Variants in PDZD2 observed in about 807,000 individuals in gnomAD.
The protein encoded by PDZD2 is PDZ domain containing 2.
Under a neutral mutation model 220.7 loss-of-function variants are expected in PDZD2, and 90 were observed. The ratio of observed to expected loss-of-function variants is 0.41; its 90% CI spans 0.34 to 0.49. PDZD2 has a LOEUF of 0.49. PDZD2 is among the 20% of genes least tolerant of loss of function. The probability of loss-of-function intolerance (pLI) is 0.28; values close to 1 mark genes in which losing one functional copy is unlikely to be tolerated. For missense variants in PDZD2, 3,174 were observed against 3,608.5 expected, an observed-to-expected ratio of 0.88 and a Z score of 3.08; for synonymous variants, 1,375 against 1,450.5, an observed-to-expected ratio of 0.95 and a Z score of 1.18.
intron 2 of PDZD2, among the ~76,000 whole-genome samples, chr5:31,976,198 A>G (rs1749752961): frequency 6.6e-6 from 1 of 152,092 alleles, no homozygotes; most frequent in Admixed American, 6.6e-5. Context: ...GAGCTGTCCA[A>G]ACTTGCCCCC....
chr5:32,039,170 A>G (rs1032106756), intron 7 of PDZD2, among the ~76,000 whole-genome samples: 20 of 149,370 alleles, frequency 1.3e-4, no homozygotes, highest in Non-Finnish European at 2.4e-4. Flanking sequence ...TACTGCCATG[A>G]TCTCGGCTCG....
intron 1 of PDZD2, among the ~76,000 whole-genome samples, chr5:31,753,047 G>A (rs1301629314): frequency 6.6e-6 from 1 of 152,140 alleles, no homozygotes; most frequent in African/African-American, 2.4e-5. Context: ...CTTATGATTG[G>A]TATTTTCAGC....
At chr5:31,862,682 T>G (rs1245817799) in intron 2 of PDZD2, among the ~76,000 whole-genome samples, 1 of 151,418 alleles carries the variant, frequency 6.6e-6, no homozygotes, top group African/African-American at 2.4e-5. Context: ...TACCTCAGCC[T>G]CCATAGTAGC....
At chr5:31,866,395 T>C (rs1738235907) in intron 2 of PDZD2, among the ~76,000 whole-genome samples, 1 of 152,158 alleles carries the variant, frequency 6.6e-6, no homozygotes, top group South Asian at 2.1e-4. Context: ...CTAGTAGTGC[T>C]GCAGCTGAGC....
intron 2 of PDZD2, among the ~76,000 whole-genome samples, chr5:31,890,725 G>T (rs1414900535): frequency 6.6e-6 from 1 of 152,190 alleles, no homozygotes; most frequent in Non-Finnish European, 1.5e-5. Context: ...AGTGGCGAGA[G>T]TTGGGAAGTC....
intron 5 of PDZD2, among the ~76,000 whole-genome samples, chr5:32,005,832 G>C (rs1041168435): frequency 6.6e-6 from 1 of 152,106 alleles, no homozygotes; most frequent in Non-Finnish European, 1.5e-5. Flanking sequence ...ACCTTATGAG[G>C]ATGATGTTAG....
intron 5 of PDZD2, among the ~76,000 whole-genome samples, chr5:32,008,269 T>A (rs1753004843): frequency 6.6e-6 from 1 of 151,056 alleles, no homozygotes; most frequent in African/African-American, 2.4e-5. Context: ...TTCAACAATC[T>A]AATCTCTTTT....
intron 1 of PDZD2, among the ~76,000 whole-genome samples, chr5:31,794,794 A>G (rs1254286060): frequency 6.6e-6 from 1 of 152,158 alleles, no homozygotes; most frequent in East Asian, 1.9e-4. Flanking sequence ...TTCCTTTTAA[A>G]ATGATAGCAT....
chr5:31,725,926 C>A lies in PDZD2; in HGVS notation c.-360-72963C>A. On this transcript the variant is annotated intron_variant, in intron 1 of 24. Coordinates refer to ENST00000438447, the MANE Select transcript of PDZD2 (RefSeq NM_178140.4). ...TCTCACAGGGCCGTTCCTCCAGCTG[C>A]CTGGGTCTCCACTCTCTGCCGCATG... The A allele has an allele frequency of 7.4e-6, 5 of 677,126 alleles. No individual in the cohort carries two copies. The South Asian group carries it at 8.3e-5, about 11-fold the overall frequency. 41.9% of individuals were successfully genotyped at this position (677,126 alleles called of 1,614,324 possible).
At chr5:31,903,425 T>C (rs1161434579) in intron 2 of PDZD2, among the ~76,000 whole-genome samples, 5 of 151,758 alleles carry the variant, frequency 3.3e-5, no homozygotes, top group African/African-American at 9.7e-5. Flanking sequence ...GGTGGGAAGA[T>C]TGCTTGAGCC....
chr5:31,957,393 G>C (rs1251561430), intron 2 of PDZD2, among the ~76,000 whole-genome samples: 1 of 152,210 alleles, frequency 6.6e-6, no homozygotes, highest in Non-Finnish European at 1.5e-5. Context: ...TCACAGACCA[G>C]TGCCTGGGGT....
chr5:31,992,449 A>G (rs1180067063), intron 3 of PDZD2, among the ~76,000 whole-genome samples: 2 of 152,082 alleles, frequency 1.3e-5, no homozygotes, highest in Admixed American at 1.3e-4. Flanking sequence ...ATATATATAT[A>G]TACATTTGAG....
At chr5:31,922,925 C>A (rs1744408024) in intron 2 of PDZD2, among the ~76,000 whole-genome samples, 1 of 143,396 alleles carries the variant, frequency 7.0e-6, no homozygotes, top group African/African-American at 2.6e-5. Flanking sequence ...AGCAATCCAC[C>A]CACCTTGACC....
intron 3 of PDZD2, among the ~76,000 whole-genome samples, chr5:31,985,344 G>C (rs942805327): frequency 3.4e-4 from 51 of 152,228 alleles, no homozygotes; most frequent in African/African-American, 1.1e-3. Flanking sequence ...CTCACATATA[G>C]TCCCAAGAAT....
chr5:31,929,272 A>C (rs528279882), intron 2 of PDZD2, among the ~76,000 whole-genome samples: 1 of 152,350 alleles, frequency 6.6e-6, no homozygotes, highest in South Asian at 2.1e-4. Context: ...CTTGCAGCCC[A>C]TAGAATGAAA....
chr5:31,798,355 A>G (rs1438086191), intron 1 of PDZD2, among the ~76,000 whole-genome samples: 2 of 152,168 alleles, frequency 1.3e-5, no homozygotes, highest in Admixed American at 6.5e-5. Context: ...AAGTTTAGGA[A>G]TGGTGTTGCC....
chr5:31,674,620 A>G (rs1401488875), intron 1 of PDZD2, among the ~76,000 whole-genome samples: 2 of 152,172 alleles, frequency 1.3e-5, no homozygotes, highest in Non-Finnish European at 2.9e-5. Flanking sequence ...GAGGGAGGAC[A>G]AGATAGAATT....
chr5:31,827,246 A>G (rs1756284812), intron 2 of PDZD2, among the ~76,000 whole-genome samples: 2 of 152,270 alleles, frequency 1.3e-5, no homozygotes, highest in East Asian at 3.9e-4. Context: ...CTGGAACTGC[A>G]TATTGGGGAA....
intron 2 of PDZD2, among the ~76,000 whole-genome samples, chr5:31,968,743 G>A (rs1456258732): frequency 6.6e-6 from 1 of 152,100 alleles, no homozygotes; most frequent in Non-Finnish European, 1.5e-5. Context: ...ACACAAAGGC[G>A]CCATCAGTGA....
Sources: allele counts gnomAD v4.1 joint callset (sites outside exome capture counted in the v4.1 genomes callset), GRCh38; gene constraint gnomAD v4.1.1; transcripts MANE v1.5; gene names NCBI Gene and HGNC (gene_info 2026-07-23, HGNC 2026-07-21).